ARHGAP11B: variants seen among roughly 807,000 people sequenced by gnomAD.
The protein encoded by ARHGAP11B is Rho GTPase activating protein 11B, also known as inactive Rho GTPase-activating protein 11B.
ARHGAP11B carries 14 observed loss-of-function variants against 27.6 expected under a neutral mutation model. The ratio of observed to expected loss-of-function variants is 0.51; its 90% CI spans 0.34 to 0.79. The LOEUF (loss-of-function observed/expected upper bound fraction) is 0.79, where lower values mean the gene tolerates loss of function less well. Among genes scored for constraint, ARHGAP11B ranks in the 30% least tolerant of loss-of-function variants. The pLI, the probability that ARHGAP11B is intolerant of heterozygous loss-of-function variation, is 0.02. For synonymous variants in ARHGAP11B, 82 were observed against 114.1 expected, an observed-to-expected ratio of 0.72 and a Z score of 1.80; for missense variants, 245 against 320.1, an observed-to-expected ratio of 0.77 and a Z score of 1.79.
At chr15:30,634,550 A>C in intron 4 of ARHGAP11B, 127 bp downstream of exon 4, 1 of 1,427,110 alleles carries the variant, frequency 7.0e-7, no homozygotes, top group Non-Finnish European at 9.4e-7. Context: ...TTTCATTACT[A>C]TGAGGAGTAT....
chr15:30,628,045 A>T (rs1017481491), intron 1 of ARHGAP11B, among the ~76,000 whole-genome samples: 2 of 150,184 alleles, frequency 1.3e-5, no homozygotes, highest in Non-Finnish European at 3.0e-5. Context: ...GAGTTTGTAT[A>T]TGGACTTTTT....
intron 2 of ARHGAP11B, among the ~76,000 whole-genome samples, chr15:30,632,800 A>G (rs1280554917): frequency 6.6e-6 from 1 of 151,938 alleles, no homozygotes; most frequent in Non-Finnish European, 1.5e-5. Flanking sequence ...GGGGTGAGGA[A>G]AAAAAACCTC....
intron 7 of ARHGAP11B, 58 bp downstream of exon 7, chr15:30,638,868 T>G: frequency 1.0e-6 from 1 of 966,710 alleles, no homozygotes; most frequent in Non-Finnish European, 1.4e-6. Flanking sequence ...TTGTATAGTA[T>G]TCTATAAAAT....
intron 10 of ARHGAP11B, among the ~76,000 whole-genome samples, chr15:30,648,190 C>G (rs557741175): frequency 2.0e-5 from 3 of 152,114 alleles, no homozygotes; most frequent in South Asian, 2.1e-4. Flanking sequence ...TTTCCCTTGG[C>G]CACCCTTATC....
In ARHGAP11B at chr15:30,644,622, A is replaced by T. The variant is rs989525658; in HGVS notation, c.*79-17A>T. 3.6e-5 allele frequency: 55 copies of T among 1,529,664 alleles called. No homozygotes were observed. The Admixed American group carries it at 8.6e-4, about 24-fold the overall frequency. The allele number at this position is 1,529,664 out of a possible 1,614,324, so 94.8% of individuals were successfully genotyped here. A position where few individuals can be genotyped will look rare whatever the true frequency, so the allele number is the denominator to read the frequency against. On this transcript the variant is annotated splice_polypyrimidine_tract_variant and intron_variant, in intron 7 of 10. Coordinates refer to ENST00000428041, the Ensembl canonical transcript of ARHGAP11B. ...CTCAAAAATTGTCTCAAAAGGTTTT[A>T]TTTTTTTTAACCACAGATAATGAAA...
intron 2 of ARHGAP11B, among the ~76,000 whole-genome samples, chr15:30,631,784 G>T (rs71397302): frequency 2.8e-5 from 4 of 140,980 alleles, no homozygotes; most frequent in Non-Finnish European, 3.2e-5. Flanking sequence ...ATAACCTTTT[G>T]TTCTTTTTTT....
chr15:30,630,396 G>T (rs1028017229), intron 1 of ARHGAP11B, among the ~76,000 whole-genome samples: 7 of 151,042 alleles, frequency 4.6e-5, no homozygotes, highest in African/African-American at 1.5e-4. Flanking sequence ...TCTGTTTTAA[G>T]AATTTACTGA....
At chr15:30,641,805 C>T (rs1047766683) in intron 7 of ARHGAP11B, among the ~76,000 whole-genome samples, 1 of 151,902 alleles carries the variant, frequency 6.6e-6, no homozygotes, top group African/African-American at 2.4e-5. Flanking sequence ...CAACATCCAC[C>T]TCCGATGTTC....
intron 8 of ARHGAP11B, among the ~76,000 whole-genome samples, chr15:30,645,786 A>G (rs1233146141): frequency 6.6e-6 from 1 of 152,022 alleles, no homozygotes; most frequent in African/African-American, 2.4e-5. Flanking sequence ...TATTTATACA[A>G]AGGCTCTTTT....
chr15:30,636,538 T>C (rs1011346139), intron 6 of ARHGAP11B, among the ~76,000 whole-genome samples: 8 of 152,204 alleles, frequency 5.3e-5, no homozygotes, highest in African/African-American at 1.7e-4. Context: ...TATTTGTTAT[T>C]GCATACTTGT....
At chr15:30,637,133 T>G (rs1567514785) in intron 6 of ARHGAP11B, among the ~76,000 whole-genome samples, 2 of 151,792 alleles carry the variant, frequency 1.3e-5, no homozygotes. Context: ...CACATCTAAA[T>G]AGATAACCAC....
chr15:30,647,463 G>T (rs531440713), intron 9 of ARHGAP11B, among the ~76,000 whole-genome samples: 1 of 151,872 alleles, frequency 6.6e-6, no homozygotes, highest in Admixed American at 6.6e-5. Context: ...AGTGGTAGGA[G>T]AAACTAAAAG....
chr15:30,633,584 A>T lies in ARHGAP11B; in HGVS notation c.295A>T (p.Lys99Ter). 6.2e-7 allele frequency: 1 copy of T among 1,609,614 alleles called. No homozygotes were observed. Among genetic ancestry groups the T allele is most frequent in the Non-Finnish European group, 8.5e-7 (1 of 1,178,022 alleles). ...ATCTGTGATTCGCCTAAAAGCACTA[A>T]AGGTGAGCATATTGTTGAACTATAA... Residue 99 changes from lysine (K) to a stop codon, truncating the protein, a stop_gained and splice_region_variant, in exon 3 of 11, where the codon AAG (lysine) becomes TAG (stop). Coordinates refer to ENST00000428041, the Ensembl canonical transcript of ARHGAP11B. LOFTEE classifies it high-confidence loss of function.
chr15:30,637,934 C>T (rs894248551), intron 6 of ARHGAP11B, among the ~76,000 whole-genome samples: 4 of 150,856 alleles, frequency 2.7e-5, no homozygotes, highest in African/African-American at 9.8e-5. Flanking sequence ...ATTCTCTTGC[C>T]TCAGTCTCCC....
chr15:30,647,024 G>A (rs1484793087), intron 9 of ARHGAP11B, among the ~76,000 whole-genome samples: 1 of 151,882 alleles, frequency 6.6e-6, no homozygotes, highest in Non-Finnish European at 1.5e-5. Flanking sequence ...TCTCATCAGT[G>A]ACTGGAATGA....
At chr15:30,646,165 A>C (rs2060346397) in exon 9 of ARHGAP11B, 2 of 1,065,634 alleles carry the variant, frequency 1.9e-6, no homozygotes, top group Non-Finnish European at 2.3e-6. Context: ...TTTTTGTAAC[A>C]AGTGTGCTCG....
chr15:30,640,667 T>G (rs1341474052), intron 7 of ARHGAP11B, among the ~76,000 whole-genome samples: 1 of 151,920 alleles, frequency 6.6e-6, no homozygotes, highest in Non-Finnish European at 1.5e-5. Context: ...TTATCTGAGT[T>G]ATATGAGTTC....
At chr15:30,634,770 C>T (rs1255577877) in intron 4 of ARHGAP11B, among the ~76,000 whole-genome samples, 12 of 151,144 alleles carry the variant, frequency 7.9e-5, no homozygotes. Context: ...TCTAGACATA[C>T]TTGCTGCCTT....
chr15:30,631,059 T>C (rs1256461533), intron 2 of ARHGAP11B, among the ~76,000 whole-genome samples: 1 of 151,550 alleles, frequency 6.6e-6, no homozygotes, highest in Non-Finnish European at 1.5e-5. Flanking sequence ...AGTAAGCATT[T>C]CAAACTGGTT....
Sources: gnomAD v4.1 joint callset for allele counts (sites outside exome capture counted in the v4.1 genomes callset) on GRCh38, gnomAD v4.1.1 for gene constraint, MANE v1.5 for transcripts, NCBI Gene and HGNC (gene_info 2026-07-23, HGNC 2026-07-21) for gene names.